Variants in FBN2 observed in about 807,000 individuals in gnomAD.
FBN2 encodes fibrillin-2.
Under a neutral mutation model 355.6 loss-of-function variants are expected in FBN2, and 105 were observed. That is an observed-to-expected ratio of 0.30 (90% CI 0.25 to 0.35). FBN2 has a LOEUF of 0.35. FBN2 is among the 10% of genes least tolerant of loss of function. The pLI is 1.00. For synonymous variants in FBN2, 1,350 were observed against 1,301.2 expected, an observed-to-expected ratio of 1.04 and a Z score of -0.81; for missense variants, 3,280 against 3,758.7, an observed-to-expected ratio of 0.87 and a Z score of 3.33.
At position 128,368,422 on chromosome 5, in the gene FBN2, A is replaced by G. The variant is rs181534043; in HGVS notation, c.2248+760T>C. On this transcript the variant is annotated intron_variant, in intron 16 of 64. Transcript: ENST00000262464. The stretch of plus-strand genomic sequence containing the variant: ...TTCATATATATGTGTGTGTGTGTGT[A>G]TATATATATATACACATATATACAT... Among the ~76,000 whole-genome samples the G allele has an allele frequency of 9.5e-4, 136 of 143,312 alleles. 1 individual carries two copies. The East Asian group carries it at 0.018, about 18-fold the overall frequency. 94.0% of individuals were successfully genotyped at this position (143,312 alleles called of 152,430 possible).
chr5:128,364,346 A>G (rs1751714646), intron 18 of FBN2, among the ~76,000 whole-genome samples: 1 of 152,164 alleles, frequency 6.6e-6, no homozygotes, highest in African/African-American at 2.4e-5. Flanking sequence ...ATATGCAGGA[A>G]AACAATAGGC....
chr5:128,366,289 A>G, intron 17 of FBN2, 88 bp downstream of exon 17: 1 of 648,206 alleles, frequency 1.5e-6, no homozygotes, highest in East Asian at 3.0e-5. Flanking sequence ...ACATTTTCAT[A>G]TTAAATATAC....
chr5:128,370,282 T>C (rs1242708121), intron 15 of FBN2, among the ~76,000 whole-genome samples: 1 of 152,186 alleles, frequency 6.6e-6, no homozygotes, highest in Non-Finnish European at 1.5e-5. Flanking sequence ...CCTGGTATAC[T>C]CCAGTATACC....
At position 128,366,450 on chromosome 5, in the gene FBN2, A is replaced by G; in HGVS notation, c.2249-20T>C. ...ATTCAGCTGTATGACAAAAAGAAAT[A>G]GAAGAATTAAAAACTTAACTATACC... On this transcript the variant is annotated intron_variant, in intron 16 of 64. Coordinates refer to ENST00000262464, the MANE Select transcript of FBN2 (RefSeq NM_001999.4). The G allele has an allele frequency of 6.4e-7, 1 of 1,566,894 alleles. No individual in the cohort carries two copies. The highest frequency in any genetic ancestry group is 8.8e-7 in the Non-Finnish European group (1 of 1,140,190).
intron 39 of FBN2, 41 bp from the exon 40 acceptor site, chr5:128,310,149 T>C: frequency 6.6e-7 from 1 of 1,522,200 alleles, no homozygotes; most frequent in Non-Finnish European, 9.0e-7. Context: ...TAAATCTATT[T>C]TTTCAATGAA....
chr5:128,466,058 G>A (rs552938666), intron 5 of FBN2, among the ~76,000 whole-genome samples: 45 of 152,136 alleles, frequency 3.0e-4, no homozygotes, highest in Non-Finnish European at 5.4e-4. Context: ...GAAACTTTTC[G>A]ATGATCGGTG....
chr5:128,483,690 T>C (rs1755256624), intron 5 of FBN2, among the ~76,000 whole-genome samples: 1 of 151,934 alleles, frequency 6.6e-6, no homozygotes, highest in Non-Finnish European at 1.5e-5. Flanking sequence ...CCCATAAAAG[T>C]ATTTCAAGTA....
intron 48 of FBN2, among the ~76,000 whole-genome samples, chr5:128,298,091 T>C (rs1467284829): frequency 6.0e-5 from 9 of 150,880 alleles, no homozygotes; most frequent in African/African-American, 9.8e-5. Flanking sequence ...CTCCTTCACT[T>C]ATGAAGCTTA....
intron 19 of FBN2, among the ~76,000 whole-genome samples, chr5:128,361,272 C>T (rs922445346): frequency 6.6e-6 from 1 of 152,138 alleles, no homozygotes; most frequent in Non-Finnish European, 1.5e-5. Flanking sequence ...TTACTTAGTT[C>T]TCAAATATTT....
In FBN2 at chr5:128,258,997, A is replaced by C. The variant is rs1764888356; in HGVS notation, c.*458T>G. On this transcript the variant is annotated 3_prime_UTR_variant, in exon 65 of 65. Coordinates refer to ENST00000262464, the MANE Select transcript of FBN2 (RefSeq NM_001999.4). Reference sequence around the variant, plus strand: ...CAAATTTATAAATCTAAAGAAAAACAAGTGAGTTTCCCTTTTTGTTTACAT... The same window carrying C: ...CAAATTTATAAATCTAAAGAAAAACCAGTGAGTTTCCCTTTTTGTTTACAT... 1.9e-5 allele frequency: 3 copies of C among 156,634 alleles called. No individual in the cohort carries two copies. The highest frequency in any genetic ancestry group is 1.9e-4 in the Admixed American group (3 of 16,050). The allele number at this position is 156,634 out of a possible 1,614,324, so 9.7% of individuals were successfully genotyped here.
chr5:128,387,946 A>G (rs1752410538), intron 11 of FBN2, among the ~76,000 whole-genome samples: 1 of 152,106 alleles, frequency 6.6e-6, no homozygotes, highest in African/African-American at 2.4e-5. Context: ...GTGGGGTGTT[A>G]AAGCCTCTCA....
intron 18 of FBN2, 115 bp from the exon 19 acceptor site, chr5:128,361,963 G>C (rs893263008): frequency 1.9e-6 from 2 of 1,064,672 alleles, no homozygotes; most frequent in Non-Finnish European, 2.9e-6. Context: ...CTGTGACATA[G>C]TCTCTGTATC....
chr5:128,331,691 G>T (rs1221109223), intron 32 of FBN2, among the ~76,000 whole-genome samples: 5 of 152,120 alleles, frequency 3.3e-5, no homozygotes, highest in Non-Finnish European at 7.3e-5. Flanking sequence ...CGAAGAGCGA[G>T]GGCATGTGAG....
chr5:128,358,299 T>C (rs1162772344), intron 19 of FBN2, among the ~76,000 whole-genome samples: 1 of 152,128 alleles, frequency 6.6e-6, no homozygotes, highest in Non-Finnish European at 1.5e-5. Context: ...TTTAAAGAAG[T>C]GGCACACAGT....
In FBN2 at chr5:128,335,546, G is replaced by A; in HGVS notation, c.3756C>T (p.Gly1252=). 2.5e-6 allele frequency: 4 copies of A among 1,614,046 alleles called. No individual in the cohort carries two copies. The highest frequency in any genetic ancestry group is 3.4e-6 in the Non-Finnish European group (4 of 1,179,878). ...DIDECMIMNG[G]CDTQCTNSEG... is the part of the protein sequence containing the mutation. ...CTGAATTTGTGCACTGGGTGTCACA[G>A]CCTCCGTTCATTATCATACATTCAT... Residue 1252 remains glycine, a synonymous_variant, in exon 29 of 65, where the codon GGC becomes GGT. Coordinates refer to ENST00000262464, the MANE Select transcript of FBN2 (RefSeq NM_001999.4).
chr5:128,297,028 G>T (rs1749540788), intron 48 of FBN2, among the ~76,000 whole-genome samples: 1 of 152,100 alleles, frequency 6.6e-6, no homozygotes, highest in South Asian at 2.1e-4. Context: ...AGAGATTCTG[G>T]TATGTTGTGT....
chr5:128,477,282 T>C lies in FBN2; in HGVS notation c.629-12361A>G, dbSNP rs370951480. ...CATTTCCATCATCCCAGAAAGTTCT[T>C]TCAATGCATATTGGAGTAGTTGTCT... On this transcript the variant is annotated intron_variant, in intron 5 of 64. Coordinates refer to ENST00000262464, the MANE Select transcript of FBN2 (RefSeq NM_001999.4). 2.6e-5 allele frequency among the ~76,000 whole-genome samples: 4 copies of C among 152,170 alleles called. No homozygotes were observed. The South Asian group carries it at 8.3e-4, about 31-fold the overall frequency.
intron 8 of FBN2, among the ~76,000 whole-genome samples, chr5:128,399,582 T>G (rs566926304): frequency 6.6e-6 from 1 of 152,246 alleles, no homozygotes; most frequent in East Asian, 1.9e-4. Flanking sequence ...CAAAAAATAT[T>G]AAATAAGTGG....
Position 128,517,631 on chromosome 5 carries a change from G to T in FBN2, c.628+1642C>A, listed in dbSNP as rs142163325. On this transcript the variant is annotated intron_variant, in intron 5 of 64. Coordinates refer to ENST00000262464, the MANE Select transcript of FBN2 (RefSeq NM_001999.4). ...TATACATCCAAATGTATGTGAAAAA[G>T]ATTTTACTTTTCAAACTTCACCATA... Among the ~76,000 whole-genome samples, 694 of 152,174 alleles carry T rather than the reference G, an allele frequency of 4.6e-3. 5 individuals carry two copies. Among genetic ancestry groups the T allele is most frequent in the South Asian group, 0.022 (108 of 4,812 alleles).
Sources: allele counts gnomAD v4.1 joint callset (sites outside exome capture counted in the v4.1 genomes callset), GRCh38; gene constraint gnomAD v4.1.1; transcripts MANE v1.5; gene names NCBI Gene and HGNC (gene_info 2026-07-23, HGNC 2026-07-21).